Variants in FAM149B1 observed in about 807,000 individuals in gnomAD.
The protein encoded by FAM149B1 is family with sequence similarity 149 member B1.
A neutral mutation model predicts 75.3 loss-of-function variants in FAM149B1; 56 were observed. That is an observed-to-expected ratio of 0.74 (90% confidence interval 0.60 to 0.93). The LOEUF (loss-of-function observed/expected upper bound fraction) is 0.93. Among genes scored for constraint, FAM149B1 ranks in the 40% least tolerant of loss-of-function variants. The pLI is 0.00. For synonymous variants in FAM149B1, 259 were observed against 256.1 expected (o/e 1.01, Z -0.11); for missense variants, 639 against 708.4 (o/e 0.90, Z 1.11).
At chr10:73,179,130 A>T (rs2042333026) in intron 3 of FAM149B1, among the ~76,000 whole-genome samples, 1 of 151,836 alleles carries the variant, frequency 6.6e-6, no homozygotes, top group African/African-American at 2.4e-5. Flanking sequence ...ATGGCCAGCT[A>T]ATTTTTGTAT....
intron 7 of FAM149B1, among the ~76,000 whole-genome samples, chr10:73,211,800 G>T (rs994841710): frequency 3.3e-5 from 5 of 151,748 alleles, no homozygotes; most frequent in Non-Finnish European, 7.4e-5. Flanking sequence ...TTATGTATTT[G>T]AAGGGTCCAA....
At chr10:73,211,189 G>T (rs992634020) in intron 7 of FAM149B1, among the ~76,000 whole-genome samples, 8 of 152,164 alleles carry the variant, frequency 5.3e-5, no homozygotes, top group Non-Finnish European at 1.0e-4. Flanking sequence ...GTTTCATTTT[G>T]TAGGCATGAT....
rs139544846 is a variant in FAM149B1 at position 73,189,316 on chromosome 10, A to G, written c.283-3240A>G. On this transcript the variant is annotated intron_variant, in intron 3 of 13. Transcript: ENST00000242505. Reference sequence around the variant, plus strand: ...GGTAGGAGTGCTAAATTGTACATCCATCCTATAAAATAGTTTAGTAATTTC... The same window carrying G: ...GGTAGGAGTGCTAAATTGTACATCCGTCCTATAAAATAGTTTAGTAATTTC... Among the ~76,000 whole-genome samples the G allele has an allele frequency of 2.5e-3, 384 of 152,346 alleles. 1 individual carries two copies. The highest frequency in any genetic ancestry group is 8.8e-3 in the African/African-American group (365 of 41,578).
At chr10:73,195,767 G>C (rs1008062568) in intron 5 of FAM149B1, among the ~76,000 whole-genome samples, 3 of 151,770 alleles carry the variant, frequency 2.0e-5, no homozygotes, top group Non-Finnish European at 2.9e-5. Flanking sequence ...ACTTTTCCTG[G>C]GATATTTGAC....
rs1352508837 is a variant in FAM149B1 at position 73,242,356 on chromosome 10, AACCATT to A, written c.*1343_*1348del. 6.6e-6 allele frequency: 1 copy of A among 152,142 alleles called. No individual in the cohort carries two copies. Among genetic ancestry groups the A allele is most frequent in the East Asian group, 1.9e-4 (1 of 5,202 alleles). 9.4% of individuals were successfully genotyped at this position (152,142 alleles called of 1,614,324 possible). ...AATGAAAATCTCTATTGTTCTCACA[AACCATT>A]ACCATGAGTTCACTATAACAACTGG... is the stretch of plus-strand genomic sequence containing the variant. On this transcript the variant is annotated 3_prime_UTR_variant, in exon 14 of 14. Transcript: ENST00000242505.
intron 12 of FAM149B1, among the ~76,000 whole-genome samples, chr10:73,236,154 T>C (rs998673779): frequency 6.6e-6 from 1 of 151,966 alleles, no homozygotes; most frequent in Admixed American, 6.6e-5. Flanking sequence ...ATGAGAAGAG[T>C]GGTAAGGATA....
At chr10:73,224,471 C>CTTT (rs1178386006) in intron 7 of FAM149B1, among the ~76,000 whole-genome samples, 9 of 135,386 alleles carry the variant, frequency 6.6e-5, no homozygotes, top group African/African-American at 1.1e-4. Flanking sequence ...ATTATTACAA[C>CTTT]TTTTTTTTTT....
rs200545424 is a variant in FAM149B1 at position 73,205,554 on chromosome 10, G to GT, written c.543-3058dup. Reference sequence around the variant, plus strand: ...TCAGGTATTTTTGTTTTTTGTTTTTGTTTTTTTGGGTTTTTTTGAGACAGA... The same window carrying GT: ...TCAGGTATTTTTGTTTTTTGTTTTTGTTTTTTTTGGGTTTTTTTGAGACAGA... On this transcript the variant is annotated intron_variant, in intron 5 of 13. Coordinates refer to ENST00000242505, the MANE Select transcript of FAM149B1 (RefSeq NM_173348.2). Among the ~76,000 whole-genome samples, 959 of 151,522 alleles carry GT rather than the reference G, an allele frequency of 6.3e-3. 13 individuals carry two copies. The highest frequency in any genetic ancestry group is 0.022 in the African/African-American group (902 of 41,316).
intron 3 of FAM149B1, among the ~76,000 whole-genome samples, chr10:73,181,005 A>T (rs545684183): frequency 1.4e-5 from 2 of 143,050 alleles, no homozygotes. Context: ...TTGCTTTTCT[A>T]GTTCTTTTTT....
In FAM149B1 at chr10:73,232,889, C is replaced by T. The variant is rs1343222708; in HGVS notation, c.1128-50C>T. 4 of 1,131,472 alleles carry T rather than the reference C, an allele frequency of 3.5e-6. No homozygotes were observed. The Admixed American group carries it at 7.9e-5, about 22-fold the overall frequency. 70.1% of individuals were successfully genotyped at this position (1,131,472 alleles called of 1,614,324 possible). ...TTTTTACCCCGTTAGTCTTGTCTTC[C>T]TTGACATACTGATCTTTACTTCATT... On this transcript the variant is annotated intron_variant, in intron 9 of 13. Coordinates refer to ENST00000242505, the MANE Select transcript of FAM149B1 (RefSeq NM_173348.2).
At chr10:73,175,675 A>G (rs1040126459) in intron 2 of FAM149B1, among the ~76,000 whole-genome samples, 5 of 149,518 alleles carry the variant, frequency 3.3e-5, no homozygotes, top group African/African-American at 4.9e-5. Context: ...TTCTCAAAAA[A>G]AAAAAAAAAA....
intron 5 of FAM149B1, among the ~76,000 whole-genome samples, chr10:73,207,554 ACT>A (rs971984526): frequency 6.6e-6 from 1 of 151,394 alleles, no homozygotes. Context: ...ACAGAACGAG[ACT>A]CTGTCTCTCA....
In FAM149B1 at chr10:73,243,916, G is replaced by T; in HGVS notation, c.*2897G>T. ...CTTTCTGCTCATTTCTGCTTCTTTG[G>T]CCTCTTCCTGAGCCTGAAACAGGAA... On this transcript the variant is annotated 3_prime_UTR_variant, in exon 14 of 14. Coordinates refer to ENST00000242505, the MANE Select transcript of FAM149B1 (RefSeq NM_173348.2). The T allele has an allele frequency of 6.2e-7, 1 of 1,613,880 alleles. No homozygotes were observed. The highest frequency in any genetic ancestry group is 8.5e-7 in the Non-Finnish European group (1 of 1,179,956).
chr10:73,176,731 CA>C (rs371464576), intron 2 of FAM149B1, among the ~76,000 whole-genome samples: 1 of 151,096 alleles, frequency 6.6e-6, no homozygotes, highest in Non-Finnish European at 1.5e-5. Context: ...ACCAAAAATA[CA>C]AAAAAAAGAA....
At position 73,241,198 on chromosome 10, in the gene FAM149B1, G is replaced by A. The variant is rs777678337; in HGVS notation, c.*179G>A. 1.7e-4 allele frequency: 96 copies of A among 572,624 alleles called. No homozygotes were observed. The highest frequency in any genetic ancestry group is 4.4e-5 in the Non-Finnish European group (14 of 318,776). The allele number at this position is 572,624 out of a possible 1,614,324, so 35.5% of individuals were successfully genotyped here. A position where few individuals can be genotyped will look rare whatever the true frequency, so the allele number is the denominator to read the frequency against. On this transcript the variant is annotated 3_prime_UTR_variant, in exon 14 of 14. Coordinates refer to ENST00000242505, the MANE Select transcript of FAM149B1 (RefSeq NM_173348.2). ...CATAGCAGCCAAAAATGACATGAGT[G>A]TTGTTTCTATCTCCAGTTACTGTCT...
In FAM149B1 at chr10:73,204,676, C is replaced by G. The variant is rs185386228; in HGVS notation, c.543-3943C>G. On this transcript the variant is annotated intron_variant, in intron 5 of 13. Coordinates refer to ENST00000242505, the MANE Select transcript of FAM149B1 (RefSeq NM_173348.2). ...ATATTAATAAGATAAGATCCCTGCC[C>G]ATAAGGAGCATATATTTTGGGCAAT... Among the ~76,000 whole-genome samples the G allele has an allele frequency of 1.9e-4, 28 of 151,218 alleles. No homozygotes were observed. The East Asian group carries it at 5.4e-3, about 29-fold the overall frequency.
chr10:73,205,520 T>C (rs2043035453), intron 5 of FAM149B1, among the ~76,000 whole-genome samples: 1 of 152,104 alleles, frequency 6.6e-6, no homozygotes, highest in African/African-American at 2.4e-5. Flanking sequence ...TCCTATAAAT[T>C]ACCCAGTCTC....
intron 5 of FAM149B1, among the ~76,000 whole-genome samples, chr10:73,201,817 T>G (rs186565182): frequency 5.3e-4 from 81 of 152,184 alleles, no homozygotes; most frequent in African/African-American, 1.9e-3. Context: ...ATATTGCACA[T>G]GTCTTAATGA....
rs2133426027 is a variant in FAM149B1, at chr10:73,243,999, G to A, written c.*2980G>A. The A allele has an allele frequency of 7.9e-7, 1 of 1,259,206 alleles. No homozygotes were observed. The highest frequency in any genetic ancestry group is 1.3e-5 in the South Asian group (1 of 78,428). 78.0% of individuals were successfully genotyped at this position (1,259,206 alleles called of 1,614,324 possible). Reference sequence around the variant, plus strand: ...TTAAAATACATACTCTTTCCCAAAAGCAAATCTATAATTCTGTTTCAATTT... The same window carrying A: ...TTAAAATACATACTCTTTCCCAAAAACAAATCTATAATTCTGTTTCAATTT... On this transcript the variant is annotated 3_prime_UTR_variant, in exon 14 of 14. Coordinates refer to ENST00000242505, the MANE Select transcript of FAM149B1 (RefSeq NM_173348.2).
Sources: allele counts gnomAD v4.1 joint callset (sites outside exome capture counted in the v4.1 genomes callset), GRCh38; gene constraint gnomAD v4.1.1; transcripts MANE v1.5; gene names NCBI Gene and HGNC (gene_info 2026-07-23, HGNC 2026-07-21).